The following SLC2A13 variants were observed in gnomAD, a reference collection of about 807,000 sequenced individuals.
SLC2A13 encodes the protein solute carrier family 2 member 13.
SLC2A13 carries 32 observed loss-of-function variants against 64.4 expected under a neutral mutation model. The ratio of observed to expected loss-of-function variants is 0.50; its 90% confidence interval spans 0.37 to 0.67. SLC2A13 has a LOEUF of 0.67. SLC2A13 is among the 30% of genes least tolerant of loss of function. The probability of loss-of-function intolerance (pLI) is 0.00; values close to 1 mark genes in which losing one functional copy is unlikely to be tolerated. For synonymous variants in SLC2A13, 338 were observed against 327.1 expected, an observed-to-expected ratio of 1.03 and a Z score of -0.36; for missense variants, 743 against 829.2, an observed-to-expected ratio of 0.90 and a Z score of 1.28.
chr12:40,008,708 G>A (rs1006643918), intron 3 of SLC2A13, among the ~76,000 whole-genome samples: 5 of 151,674 alleles, frequency 3.3e-5, no homozygotes, highest in African/African-American at 1.2e-4. Flanking sequence ...GTTGTGATTC[G>A]ATGACTTCCA....
At chr12:39,871,757 G>A in intron 5 of SLC2A13, 41 bp downstream of exon 5, 1 of 1,546,538 alleles carries the variant, frequency 6.5e-7, no homozygotes. Flanking sequence ...AAGTTATTAG[G>A]AAATAAAGTT....
chr12:39,805,387 G>C (rs374755638), intron 7 of SLC2A13, among the ~76,000 whole-genome samples: 5 of 152,108 alleles, frequency 3.3e-5, no homozygotes, highest in South Asian at 4.1e-4. Context: ...GCTGGAGCAG[G>C]TGTAAGAGGT....
chr12:39,995,899 T>G (rs756190952), intron 3 of SLC2A13, among the ~76,000 whole-genome samples: 38 of 152,230 alleles, frequency 2.5e-4, no homozygotes, highest in Non-Finnish European at 4.9e-4. Flanking sequence ...CCCTGCCTTC[T>G]GCTATGATTG....
chr12:39,779,634 C>T (rs958662739), intron 7 of SLC2A13, among the ~76,000 whole-genome samples: 1 of 152,222 alleles, frequency 6.6e-6, no homozygotes, highest in African/African-American at 2.4e-5. Context: ...AATTTCTTCA[C>T]TACATTGTAA....
At chr12:39,855,727 C>G (rs537869767) in intron 6 of SLC2A13, among the ~76,000 whole-genome samples, 2 of 152,322 alleles carry the variant, frequency 1.3e-5, no homozygotes, top group East Asian at 3.9e-4. Context: ...ATAGAACTTA[C>G]ACAATTGCAG....
chr12:39,984,861 T>C (rs1946999691), intron 3 of SLC2A13, among the ~76,000 whole-genome samples: 1 of 152,148 alleles, frequency 6.6e-6, no homozygotes, highest in African/African-American at 2.4e-5. Flanking sequence ...ACGTGCTCAT[T>C]AACTGGTAGA....
intron 7 of SLC2A13, among the ~76,000 whole-genome samples, chr12:39,794,017 A>C (rs1011998025): frequency 6.7e-6 from 1 of 148,578 alleles, no homozygotes; most frequent in Non-Finnish European, 1.5e-5. Context: ...CCTAATACCT[A>C]CTTTCTTGTT....
chr12:40,069,931 C>T (rs2136267467), intron 1 of SLC2A13, among the ~76,000 whole-genome samples: 1 of 152,136 alleles, frequency 6.6e-6, no homozygotes, highest in Non-Finnish European at 1.5e-5. Flanking sequence ...GTCATTGTTA[C>T]AAAAACATTA....
At chr12:39,898,753 C>T (rs937943557) in intron 4 of SLC2A13, among the ~76,000 whole-genome samples, 3 of 152,110 alleles carry the variant, frequency 2.0e-5, no homozygotes, top group Admixed American at 1.3e-4. Context: ...ACCAGAGTCA[C>T]CCACACTACT....
chr12:40,018,175 G>A (rs994567780), intron 3 of SLC2A13, among the ~76,000 whole-genome samples: 2 of 152,028 alleles, frequency 1.3e-5, no homozygotes, highest in Non-Finnish European at 2.9e-5. Flanking sequence ...AACATAACAA[G>A]CACAAAATAA....
intron 7 of SLC2A13, among the ~76,000 whole-genome samples, chr12:39,827,458 A>T (rs1942727717): frequency 6.6e-6 from 1 of 152,156 alleles, no homozygotes; most frequent in Non-Finnish European, 1.5e-5. Flanking sequence ...ACTCAGCATT[A>T]AAAACTCTAA....
intron 4 of SLC2A13, among the ~76,000 whole-genome samples, chr12:39,934,065 A>C (rs1035420431): frequency 5.3e-5 from 8 of 152,210 alleles, no homozygotes; most frequent in African/African-American, 1.7e-4. Flanking sequence ...AGTCTGTCTG[A>C]TTCTGAATCT....
intron 7 of SLC2A13, among the ~76,000 whole-genome samples, chr12:39,767,485 C>T (rs1940402924): frequency 6.6e-6 from 1 of 151,992 alleles, no homozygotes; most frequent in Non-Finnish European, 1.5e-5. Context: ...TTGGCTTCAA[C>T]TTAAAAGTCA....
chr12:39,916,826 T>TAATC (rs3052915), intron 4 of SLC2A13, among the ~76,000 whole-genome samples: 149,395 of 152,048 alleles, frequency 0.98, 73,467 homozygotes, highest in Middle Eastern at 1. Flanking sequence ...ATCATTTAAA[T>TAATC]AAAGTATAAA....
chr12:40,095,399 T>G (rs1938905627), intron 1 of SLC2A13, among the ~76,000 whole-genome samples: 1 of 152,234 alleles, frequency 6.6e-6, no homozygotes, highest in African/African-American at 2.4e-5. Flanking sequence ...CTTTATTCCT[T>G]CTTCCAAACT....
chr12:39,962,133 CCAGG>C lies in SLC2A13; in HGVS notation c.926-10772_926-10769del, dbSNP rs903027050. Among the ~76,000 whole-genome samples the C allele has an allele frequency of 3.4e-4, 52 of 152,254 alleles. No homozygotes were observed. In the South Asian group the frequency reaches 5.0e-3, roughly 15 times the overall value. ...TCCTGAGAAAAGCCCTATGGATTACCCAGGCTGGAGTGCAGTGGCATGATTTCAG... is the reference window on the plus strand; with the variant it reads ...TCCTGAGAAAAGCCCTATGGATTACCCTGGAGTGCAGTGGCATGATTTCAG... On this transcript the variant is annotated intron_variant, in intron 3 of 9. Transcript: ENST00000280871.
At chr12:40,047,660 A>G (rs1209133953) in intron 2 of SLC2A13, among the ~76,000 whole-genome samples, 1 of 152,224 alleles carries the variant, frequency 6.6e-6, no homozygotes, top group Admixed American at 6.5e-5. Context: ...TCAGATCAAA[A>G]TGTAGCTTCC....
intron 7 of SLC2A13, 84 bp downstream of exon 7, chr12:39,830,019 T>C (rs1267504223): frequency 1.3e-6 from 2 of 1,552,354 alleles, no homozygotes; most frequent in African/African-American, 2.7e-5. Flanking sequence ...AGAACTGCTA[T>C]AAGTGCAAGC....
At chr12:40,039,636 T>G (rs1219697609) in intron 2 of SLC2A13, among the ~76,000 whole-genome samples, 1 of 152,192 alleles carries the variant, frequency 6.6e-6, no homozygotes, top group African/African-American at 2.4e-5. Context: ...AGATACTGCT[T>G]CACAAATATA....
Sources: gnomAD v4.1 joint callset for allele counts (sites outside exome capture counted in the v4.1 genomes callset) on GRCh38, gnomAD v4.1.1 for gene constraint, MANE v1.5 for transcripts, NCBI Gene and HGNC (gene_info 2026-07-23, HGNC 2026-07-21) for gene names.